Variants in ABCC4 observed in about 807,000 individuals in gnomAD.
The protein encoded by ABCC4 is ATP-binding cassette sub-family C member 4.
In ABCC4, 102 loss-of-function variants were observed where a neutral mutation model predicts 168.5. That is an observed-to-expected ratio of 0.61 (90% CI 0.52 to 0.71). The LOEUF is 0.71. Among genes scored for constraint, ABCC4 ranks in the 30% least tolerant of loss-of-function variants. The pLI is 0.00. For synonymous variants in ABCC4, 617 were observed against 590.7 expected (o/e 1.04, Z -0.65); for missense variants, 1,402 against 1,605.8 (o/e 0.87, Z 2.17).
intron 19 of ABCC4, among the ~76,000 whole-genome samples, chr13:95,145,289 T>C (rs971591299): frequency 2.0e-5 from 3 of 151,830 alleles, no homozygotes; most frequent in African/African-American, 7.3e-5. Flanking sequence ...CACTACTGGG[T>C]ATAGACCCAA....
chr13:95,052,486 A>C (rs963131162), intron 27 of ABCC4, among the ~76,000 whole-genome samples: 1 of 152,198 alleles, frequency 6.6e-6, no homozygotes, highest in African/African-American at 2.4e-5. Flanking sequence ...AAATTTCAAG[A>C]AGTGGCCCAA....
intron 4 of ABCC4, among the ~76,000 whole-genome samples, chr13:95,215,914 G>GAAAC (rs111916560): frequency 0.74 from 112,414 of 151,646 alleles, 42,460 homozygotes; most frequent in Non-Finnish European, 0.83. Context: ...CAACACCAAA[G>GAAAC]AAACAAACAA....
intron 27 of ABCC4, among the ~76,000 whole-genome samples, chr13:95,052,650 TA>T (rs753675724): frequency 9.9e-5 from 15 of 152,268 alleles, no homozygotes; most frequent in Middle Eastern, 3.4e-3. Context: ...TTTACCTTTA[TA>T]AACACTTTCT....
chr13:95,161,400 A>ATCCGTTTCT, intron 18 of ABCC4, 65 bp from the exon 19 acceptor site: 1 of 1,326,536 alleles, frequency 7.5e-7, no homozygotes, highest in Non-Finnish European at 1.0e-6. Context: ...ATAGTTGCTA[A>ATCCGTTTCT]AGCAAGCCAG....
intron 20 of ABCC4, among the ~76,000 whole-genome samples, chr13:95,106,060 G>C (rs1054788065): frequency 3.9e-5 from 6 of 152,082 alleles, no homozygotes; most frequent in Admixed American, 3.9e-4. Flanking sequence ...ACACATCCTT[G>C]TTTAACCTTA....
intron 1 of ABCC4, among the ~76,000 whole-genome samples, chr13:95,293,993 C>T (rs2041465612): frequency 6.6e-6 from 1 of 151,884 alleles, no homozygotes; most frequent in Non-Finnish European, 1.5e-5. Context: ...CAATAAAGTA[C>T]CATTCCTGTT....
chr13:95,166,798 C>A (rs1594217707), intron 14 of ABCC4, among the ~76,000 whole-genome samples: 1 of 152,278 alleles, frequency 6.6e-6, no homozygotes, highest in East Asian at 1.9e-4. Flanking sequence ...ACTCCACAAG[C>A]CTCCACTGGC....
intron 8 of ABCC4, among the ~76,000 whole-genome samples, chr13:95,197,968 G>C (rs1370646089): frequency 6.6e-6 from 1 of 152,106 alleles, no homozygotes; most frequent in Non-Finnish European, 1.5e-5. Flanking sequence ...AAAGACAATA[G>C]ATTAAAGACT....
At chr13:95,183,188 T>C (rs1045015267) in intron 11 of ABCC4, among the ~76,000 whole-genome samples, 1 of 151,954 alleles carries the variant, frequency 6.6e-6, no homozygotes, top group African/African-American at 2.4e-5. Context: ...CAACAGCTAC[T>C]ATTTACCAAA....
chr13:95,096,188 G>GA (rs368009361), intron 20 of ABCC4: 32,782 of 418,362 alleles, frequency 0.078, 20 homozygotes, highest in South Asian at 0.11. Context: ...CTCTATGAAA[G>GA]AAAAAAAAAA....
intron 27 of ABCC4, among the ~76,000 whole-genome samples, chr13:95,052,344 T>C (rs1374105924): frequency 1.3e-5 from 2 of 152,352 alleles, no homozygotes; most frequent in Non-Finnish European, 2.9e-5. Flanking sequence ...ACCAGTTTTA[T>C]GATATGGTTT....
Position 95,044,422 on chromosome 13 carries a change from G to T in ABCC4, c.3473C>A (p.Thr1158Asn). The T allele has an allele frequency of 6.2e-7, 1 of 1,610,352 alleles. No individual in the cohort carries two copies. The highest frequency in any genetic ancestry group is 8.5e-7 in the Non-Finnish European group (1 of 1,178,524). The part of the protein sequence containing the change: ...NALQEVQLKE[T>N]IEDLPGKMDT... The stretch of plus-strand genomic sequence containing the variant: ...CATTTTACCAGGAAGATCTTCAATG[G>T]TTTCTTTAAGTTGTACCTGTAGATG... The change falls in exon 28 of 31, where the codon ACC becomes AAC. Residue 1158 changes from threonine to asparagine, a missense_variant. Around this residue, in one of 3 missense-constraint regions of ABCC4, gnomAD observed 1,007 missense variants for 1,127.3 expected, o/e 0.89. Transcript: ENST00000645237.
Position 95,070,739 on chromosome 13 carries a change from C to A in ABCC4, c.3210+923G>T, listed in dbSNP as rs115630243. Among the ~76,000 whole-genome samples, 414 of 152,172 alleles carry A rather than the reference C, an allele frequency of 2.7e-3. 1 individual carries two copies. Among genetic ancestry groups the A allele is most frequent in the African/African-American group, 9.2e-3 (383 of 41,510 alleles). On this transcript the variant is annotated intron_variant, in intron 25 of 30. Transcript: ENST00000645237. Reference sequence around the variant, plus strand: ...AGGTCCTGTCAGGGTGGGCCTGGGGCTCATTAAGGTTGCAGCAGCTGCTCA... The same window carrying A: ...AGGTCCTGTCAGGGTGGGCCTGGGGATCATTAAGGTTGCAGCAGCTGCTCA...
intron 19 of ABCC4, among the ~76,000 whole-genome samples, chr13:95,160,514 C>T (rs116267926): frequency 2.0e-5 from 3 of 152,060 alleles, no homozygotes; most frequent in Non-Finnish European, 4.4e-5. Context: ...TTGGGTATAC[C>T]TAGGAAACAA....
intron 13 of ABCC4, among the ~76,000 whole-genome samples, chr13:95,176,400 C>T (rs1451264230): frequency 1.3e-5 from 2 of 152,004 alleles, no homozygotes; most frequent in East Asian, 3.9e-4. Context: ...GAGGCTGAGG[C>T]AGGAGAATCT....
In ABCC4 at chr13:95,115,883, G is replaced by A. The variant is rs374719706; in HGVS notation, c.2535+39C>T. The A allele has an allele frequency of 9.0e-5, 140 of 1,562,206 alleles. No individual in the cohort carries two copies. In the African/African-American group the frequency reaches 1.6e-3, roughly 18 times the overall value. On this transcript the variant is annotated intron_variant, in intron 20 of 30. Coordinates refer to ENST00000645237, the MANE Select transcript of ABCC4 (RefSeq NM_005845.5). ...AGGGCTTGAAAAAATAGGAACTTCC[G>A]TTTTCCATTTGAGATCCTGACATTA...
At chr13:95,115,788 A>C in intron 20 of ABCC4, 134 bp downstream of exon 20, 1 of 723,506 alleles carries the variant, frequency 1.4e-6, no homozygotes, top group Non-Finnish European at 2.4e-6. Context: ...TTCTTTTACA[A>C]ACATGGCCCT....
chr13:95,203,737 C>T (rs2038697863), intron 8 of ABCC4, among the ~76,000 whole-genome samples: 1 of 151,986 alleles, frequency 6.6e-6, no homozygotes, highest in Admixed American at 6.6e-5. Flanking sequence ...GTTTGAGATG[C>T]ACAGAGGGAC....
intron 19 of ABCC4, among the ~76,000 whole-genome samples, chr13:95,133,173 G>A (rs529908967): frequency 6.7e-6 from 1 of 148,982 alleles, no homozygotes; most frequent in East Asian, 2.0e-4. Context: ...GAGTGCAGGG[G>A]CACAGTCTCG....
Sources: allele counts gnomAD v4.1 joint callset (sites outside exome capture counted in the v4.1 genomes callset), GRCh38; gene constraint gnomAD v4.1.1; regional missense constraint gnomAD v4.1.1; transcripts MANE v1.5; gene names NCBI Gene and HGNC (gene_info 2026-07-23, HGNC 2026-07-21).